The following TENM3 variants were observed in gnomAD, a reference collection of about 807,000 sequenced individuals.
The protein encoded by TENM3 is teneurin-3.
In TENM3, 63 loss-of-function variants were observed where a neutral mutation model predicts 255.1. The ratio of observed to expected loss-of-function variants is 0.25; its 90% CI spans 0.20 to 0.30. The LOEUF (loss-of-function observed/expected upper bound fraction) is 0.30, where lower values mean the gene tolerates loss of function less well. Ranked by LOEUF, TENM3 falls within the 10% of genes least tolerant of loss-of-function variation. The pLI is 1.00. For missense variants in TENM3, 2,929 were observed against 3,461.1 expected, an observed-to-expected ratio of 0.85 and a Z score of 3.86; for synonymous variants, 1,306 against 1,322.3, an observed-to-expected ratio of 0.99 and a Z score of 0.27.
At chr4:181,534,235 C>T in the TENM3 span, among the ~76,000 whole-genome samples, 1 of 112,432 alleles carries the variant, frequency 8.9e-6, no homozygotes, top group African/African-American at 3.5e-5. Flanking sequence ...GACTCCACCT[C>T]AAAAAAAAAA....
the TENM3 span, among the ~76,000 whole-genome samples, chr4:181,575,190 T>C: frequency 1.3e-5 from 2 of 152,344 alleles, no homozygotes; most frequent in South Asian, 2.1e-4. Flanking sequence ...TATTTCATTA[T>C]ATATTTGTTT....
intron 1 of TENM3, among the ~76,000 whole-genome samples, chr4:182,165,319 A>G (rs1426401803): frequency 6.6e-6 from 1 of 152,184 alleles, no homozygotes; most frequent in African/African-American, 2.4e-5. Flanking sequence ...TATGCATTAT[A>G]TTTAGGAATT....
chr4:182,021,416 T>C, the TENM3 span, among the ~76,000 whole-genome samples: 1 of 152,142 alleles, frequency 6.6e-6, no homozygotes, highest in East Asian at 1.9e-4. Flanking sequence ...TTGCGTATCC[T>C]TCCCTCTCCC....
chr4:182,793,317 A>C lies in TENM3; in HGVS notation c.6645A>C (p.Arg2215=). The C allele has an allele frequency of 6.2e-7, 1 of 1,613,792 alleles. No individual in the cohort carries two copies. Among genetic ancestry groups the C allele is most frequent in the South Asian group, 1.1e-5 (1 of 91,048 alleles). The change falls in exon 26 of 28, where the codon CGA becomes CGC. Residue 2215 remains arginine, a synonymous_variant. Coordinates refer to ENST00000511685, the MANE Select transcript of TENM3 (RefSeq NM_001080477.4). This position sits in a 1 kb window ranked among gnomAD's most constrained non-coding sequence, Gnocchi z 5.7. Reference sequence around the variant, plus strand: ...ATAGCTCCAAGGGGCTTCTAACTCGAGTTTACAGTAAAGGCAGTGGCTGGA... The same window carrying C: ...ATAGCTCCAAGGGGCTTCTAACTCGCGTTTACAGTAAAGGCAGTGGCTGGA... The part of the protein sequence containing the change: ...FEYSSKGLLT[R]VYSKGSGWTV...
intron 5 of TENM3, among the ~76,000 whole-genome samples, chr4:182,646,539 C>G (rs1014663418): frequency 6.6e-6 from 1 of 151,934 alleles, no homozygotes; most frequent in Non-Finnish European, 1.5e-5. Flanking sequence ...GTCAGGAGTT[C>G]AAGACCAGCC....
the TENM3 span, among the ~76,000 whole-genome samples, chr4:181,721,537 T>C: frequency 1.7e-5 from 1 of 58,680 alleles, no homozygotes; most frequent in Non-Finnish European, 3.5e-5. Flanking sequence ...GAGGCGGAGC[T>C]TGCAGTGAGC....
At chr4:182,381,314 C>T (rs1291709518) in intron 3 of TENM3, among the ~76,000 whole-genome samples, 1 of 152,100 alleles carries the variant, frequency 6.6e-6, no homozygotes, top group Non-Finnish European at 1.5e-5. Context: ...TTAGTTATAT[C>T]TCTGTCAACA....
the TENM3 span, among the ~76,000 whole-genome samples, chr4:181,773,553 A>G: frequency 6.6e-6 from 1 of 152,156 alleles, no homozygotes. Context: ...TGGTCACAAG[A>G]TTTTAGAATA....
At chr4:181,522,852 A>G in the TENM3 span, 1 of 973,698 alleles carries the variant, frequency 1.0e-6, no homozygotes, top group South Asian at 1.3e-5. Context: ...GCAGGCTCTA[A>G]AAGCTGGTGT....
At position 182,793,292 on chromosome 4, in the gene TENM3, A is replaced by G; in HGVS notation, c.6620A>G (p.Tyr2207Cys). ...CAAAGGGGCACGGAAATCTTTGAAT[A>G]TAGCTCCAAGGGGCTTCTAACTCGA... ...LRQRGTEIFE[Y>C]SSKGLLTRVY... The change falls in exon 26 of 28, where the codon TAT becomes TGT. Residue 2207 changes from tyrosine (Y) to cysteine (C), a missense_variant. This residue lies in a region of TENM3 where 256 missense variants were observed against 389.3 expected (regional missense o/e 0.66). Coordinates refer to ENST00000511685, the MANE Select transcript of TENM3 (RefSeq NM_001080477.4). This position sits in a 1 kb window ranked among gnomAD's most constrained non-coding sequence, Gnocchi z 5.7. 1 of 1,613,922 alleles carries G rather than the reference A, an allele frequency of 6.2e-7. No individual in the cohort carries two copies. The highest frequency in any genetic ancestry group is 8.5e-7 in the Non-Finnish European group (1 of 1,179,818).
At chr4:182,516,104 G>A (rs1162419892) in intron 3 of TENM3, among the ~76,000 whole-genome samples, 2 of 152,224 alleles carry the variant, frequency 1.3e-5, no homozygotes, top group South Asian at 2.1e-4. Flanking sequence ...TAGGCAGAGA[G>A]TTGACTAAAA....
chr4:182,797,956 T>C (rs1423429755), intron 27 of TENM3, among the ~76,000 whole-genome samples: 1 of 151,826 alleles, frequency 6.6e-6, no homozygotes, highest in African/African-American at 2.4e-5. Flanking sequence ...GTTACAAATA[T>C]AGTCGTGTGT....
At chr4:182,563,508 ATTCACT>A (rs1357040190) in intron 3 of TENM3, among the ~76,000 whole-genome samples, 1 of 151,928 alleles carries the variant, frequency 6.6e-6, no homozygotes, top group Admixed American at 6.6e-5. Context: ...ACTTGATATA[ATTCACT>A]TTCACTTTTA....
At chr4:181,832,732 G>A in the TENM3 span, among the ~76,000 whole-genome samples, 77 of 152,330 alleles carry the variant, frequency 5.1e-4, no homozygotes, top group African/African-American at 1.8e-3. Flanking sequence ...TCGCTATTGG[G>A]ATGGAATTAC....
chr4:182,679,431 C>A (rs1755934441), intron 7 of TENM3, among the ~76,000 whole-genome samples: 1 of 152,048 alleles, frequency 6.6e-6, no homozygotes, highest in South Asian at 2.1e-4. Context: ...AACCATATTG[C>A]CCAATAAGGG....
At chr4:182,576,108 G>C (rs922747083) in intron 3 of TENM3, among the ~76,000 whole-genome samples, 1 of 152,094 alleles carries the variant, frequency 6.6e-6, no homozygotes, top group African/African-American at 2.4e-5. Flanking sequence ...ATATTTATTC[G>C]GTAGATTTTT....
the TENM3 span, among the ~76,000 whole-genome samples, chr4:181,536,583 G>T: frequency 6.6e-6 from 1 of 152,204 alleles, no homozygotes; most frequent in Non-Finnish European, 1.5e-5. Flanking sequence ...AACTGTTACA[G>T]TAGAAATAAA....
the TENM3 span, among the ~76,000 whole-genome samples, chr4:181,931,354 A>T: frequency 6.6e-6 from 1 of 152,246 alleles, no homozygotes; most frequent in Non-Finnish European, 1.5e-5. Flanking sequence ...AATCACAAGC[A>T]TTCCTATACA....
chr4:182,363,247 C>T (rs1269521497), intron 3 of TENM3, among the ~76,000 whole-genome samples: 1 of 151,976 alleles, frequency 6.6e-6, no homozygotes, highest in Admixed American at 6.5e-5. Flanking sequence ...CTTCTGATTT[C>T]CTCTCCTTGA....
Sources: gnomAD v4.1 joint callset for allele counts (sites outside exome capture counted in the v4.1 genomes callset) on GRCh38, gnomAD v4.1.1 for gene constraint, gnomAD v4.1.1 regional missense constraint, Gnocchi (gnomAD v3.1) non-coding constraint, MANE v1.5 for transcripts, NCBI Gene and HGNC (gene_info 2026-07-23, HGNC 2026-07-21) for gene names.